ZDHHC14: variants seen among roughly 807,000 people sequenced by gnomAD.
ZDHHC14 encodes zDHHC palmitoyltransferase 14, also known as palmitoyltransferase ZDHHC14.
A neutral mutation model predicts 47.7 loss-of-function variants in ZDHHC14; 16 were observed. That is an observed-to-expected ratio of 0.34 (90% confidence interval 0.23 to 0.51). ZDHHC14 has a LOEUF of 0.51. ZDHHC14 is among the 20% of genes least tolerant of loss of function. ZDHHC14 has a pLI of 0.97. For synonymous variants in ZDHHC14, 293 were observed against 278.9 expected, an observed-to-expected ratio of 1.05 and a Z score of -0.50; for missense variants, 515 against 662.5, an observed-to-expected ratio of 0.78 and a Z score of 2.44.
At chr6:157,540,910 G>GTGTGTGTGTGTATATATA (rs1284429244) in intron 1 of ZDHHC14, among the ~76,000 whole-genome samples, 1 of 122,992 alleles carries the variant, frequency 8.1e-6, no homozygotes, top group African/African-American at 4.3e-5. Flanking sequence ...GTGTGTGTGT[G>GTGTGTGTGTGTATATATA]TATATATATA....
chr6:157,560,107 A>G (rs1194293569), intron 2 of ZDHHC14, among the ~76,000 whole-genome samples: 2 of 152,236 alleles, frequency 1.3e-5, no homozygotes, highest in Non-Finnish European at 2.9e-5. Flanking sequence ...GTGGTGGCCA[A>G]CTCAGCTCTA....
chr6:157,385,012 C>G (rs999745580), intron 1 of ZDHHC14, among the ~76,000 whole-genome samples: 1 of 152,164 alleles, frequency 6.6e-6, no homozygotes, highest in African/African-American at 2.4e-5. Flanking sequence ...GAACTTCTGG[C>G]CTCAAGTGAT....
At chr6:157,395,363 A>G (rs886270121) in intron 1 of ZDHHC14, among the ~76,000 whole-genome samples, 8 of 147,260 alleles carry the variant, frequency 5.4e-5, no homozygotes, top group African/African-American at 1.5e-4. Flanking sequence ...ATGGGGTCTC[A>G]CTATGTTGCC....
chr6:157,522,996 CTTTTCTTTT>C (rs1562461145), intron 1 of ZDHHC14, among the ~76,000 whole-genome samples: 1,125 of 105,880 alleles, frequency 0.011, 58 homozygotes, highest in African/African-American at 0.039. Flanking sequence ...CTTTTCTTTT[CTTTTCTTTT>C]CTTTTTCTTT....
intron 8 of ZDHHC14, among the ~76,000 whole-genome samples, chr6:157,658,558 T>C (rs1173391216): frequency 6.6e-6 from 1 of 151,124 alleles, no homozygotes; most frequent in Non-Finnish European, 1.5e-5. Context: ...GGGGGTGTGC[T>C]GTGGGGCTAT....
chr6:157,462,271 C>G (rs1779107462), intron 1 of ZDHHC14, among the ~76,000 whole-genome samples: 1 of 152,152 alleles, frequency 6.6e-6, no homozygotes, highest in Non-Finnish European at 1.5e-5. Flanking sequence ...ACGGACATGC[C>G]TGTTCACCCT....
chr6:157,566,540 G>A (rs773079510), intron 2 of ZDHHC14, among the ~76,000 whole-genome samples: 18 of 152,216 alleles, frequency 1.2e-4, no homozygotes, highest in Non-Finnish European at 1.6e-4. Context: ...AAGAAGCGCT[G>A]GACAAAATCT....
At chr6:157,487,987 C>A (rs2114724084) in intron 1 of ZDHHC14, among the ~76,000 whole-genome samples, 1 of 152,318 alleles carries the variant, frequency 6.6e-6, no homozygotes. Context: ...ATCCCCTCTG[C>A]TGCCTGATGG....
chr6:157,390,429 T>G (rs963845452), intron 1 of ZDHHC14, among the ~76,000 whole-genome samples: 4 of 152,196 alleles, frequency 2.6e-5, no homozygotes, highest in African/African-American at 9.6e-5. Context: ...GATCTGTGGA[T>G]TGATATCTTT....
At chr6:157,487,374 C>T (rs1465169337) in intron 1 of ZDHHC14, among the ~76,000 whole-genome samples, 2 of 152,176 alleles carry the variant, frequency 1.3e-5, no homozygotes, top group Admixed American at 1.3e-4. Flanking sequence ...TTTGGAGTCT[C>T]ACTGACCTGG....
intron 3 of ZDHHC14, among the ~76,000 whole-genome samples, chr6:157,626,991 T>A (rs1458402223): frequency 6.6e-6 from 1 of 151,738 alleles, no homozygotes; most frequent in Non-Finnish European, 1.5e-5. Flanking sequence ...TTATAGGCCA[T>A]CAGCTTATCA....
chr6:157,656,643 C>T (rs1451540655), intron 8 of ZDHHC14, among the ~76,000 whole-genome samples: 1 of 148,650 alleles, frequency 6.7e-6, no homozygotes, highest in Non-Finnish European at 1.5e-5. Context: ...GCCTGGAAAG[C>T]TACTTATTAA....
intron 1 of ZDHHC14, among the ~76,000 whole-genome samples, chr6:157,397,447 G>A (rs1368014704): frequency 6.6e-6 from 1 of 152,048 alleles, no homozygotes. Flanking sequence ...GCCTTTTTCG[G>A]CTTCTGGAGC....
chr6:157,498,783 T>C (rs1780128365), intron 1 of ZDHHC14, among the ~76,000 whole-genome samples: 1 of 152,178 alleles, frequency 6.6e-6, no homozygotes, highest in Non-Finnish European at 1.5e-5. Context: ...CAGATAAAGG[T>C]GGTAGTATAT....
At chr6:157,574,534 C>T (rs1783226715) in intron 2 of ZDHHC14, among the ~76,000 whole-genome samples, 1 of 152,102 alleles carries the variant, frequency 6.6e-6, no homozygotes, top group Non-Finnish European at 1.5e-5. Flanking sequence ...TGCTCATGGT[C>T]AATACCACAC....
intron 1 of ZDHHC14, among the ~76,000 whole-genome samples, chr6:157,526,191 G>A (rs1485424787): frequency 1.3e-5 from 2 of 152,196 alleles, no homozygotes; most frequent in African/African-American, 2.4e-5. Context: ...CCTACCTAGA[G>A]GCTTTGCTAA....
intron 3 of ZDHHC14, among the ~76,000 whole-genome samples, chr6:157,609,795 G>A (rs943769922): frequency 1.3e-5 from 2 of 152,214 alleles, no homozygotes; most frequent in African/African-American, 4.8e-5. Context: ...AAGGGGCTCT[G>A]TGCAGGGGCT....
intron 1 of ZDHHC14, among the ~76,000 whole-genome samples, chr6:157,388,968 G>A (rs140285749): frequency 6.6e-6 from 1 of 152,232 alleles, no homozygotes; most frequent in Non-Finnish European, 1.5e-5. Context: ...GGGATTTTGA[G>A]TGTGTGTATT....
intron 5 of ZDHHC14, among the ~76,000 whole-genome samples, chr6:157,641,579 T>C (rs978880647): frequency 9.9e-5 from 15 of 152,224 alleles, no homozygotes; most frequent in Non-Finnish European, 2.2e-4. Flanking sequence ...GGGTTCTTTA[T>C]GTTTCTCAAA....
Sources: allele counts gnomAD v4.1 joint callset (sites outside exome capture counted in the v4.1 genomes callset), GRCh38; gene constraint gnomAD v4.1.1; transcripts MANE v1.5; gene names NCBI Gene and HGNC (gene_info 2026-07-23, HGNC 2026-07-21).